The following SNX29 variants were observed in gnomAD, a reference collection of about 807,000 sequenced individuals.
The protein encoded by SNX29 is sorting nexin 29.
A neutral mutation model predicts 102.1 loss-of-function variants in SNX29; 78 were observed. The observed-to-expected ratio is 0.76, with a 90% CI of 0.64 to 0.92. The LOEUF (loss-of-function observed/expected upper bound fraction) is 0.92, where lower values mean the gene tolerates loss of function less well. Among genes scored for constraint, SNX29 ranks in the 40% least tolerant of loss-of-function variants. SNX29 has a pLI of 0.00. For missense variants in SNX29, 1,280 were observed against 1,061.7 expected, an observed-to-expected ratio of 1.21 and a Z score of -2.86; for synonymous variants, 580 against 414.5, an observed-to-expected ratio of 1.40 and a Z score of -4.85.
intron 20 of SNX29, among the ~76,000 whole-genome samples, chr16:12,538,522 T>C (rs975018523): frequency 7.9e-5 from 12 of 152,224 alleles, no homozygotes; most frequent in Admixed American, 2.6e-4. Flanking sequence ...TGATAACATA[T>C]TGCTTATGCG....
intron 14 of SNX29, among the ~76,000 whole-genome samples, chr16:12,228,888 G>T (rs1024867101): frequency 6.6e-6 from 1 of 152,198 alleles, no homozygotes; most frequent in Non-Finnish European, 1.5e-5. Flanking sequence ...CTGGTGATGC[G>T]GGGCAGGCTG....
intron 14 of SNX29, among the ~76,000 whole-genome samples, chr16:12,209,210 C>T (rs1001019522): frequency 4.6e-5 from 7 of 152,120 alleles, no homozygotes; most frequent in South Asian, 2.1e-4. Flanking sequence ...AACTCTGTGA[C>T]GGTTTGGAGC....
chr16:12,315,791 C>T (rs2080713443), intron 15 of SNX29, among the ~76,000 whole-genome samples: 1 of 152,136 alleles, frequency 6.6e-6, no homozygotes, highest in Non-Finnish European at 1.5e-5. Flanking sequence ...AACTTATTTA[C>T]AAAAATGGAT....
At chr16:12,367,534 C>T (rs1055157865) in intron 16 of SNX29, 1 of 152,222 alleles carries the variant, frequency 6.6e-6, no homozygotes, top group Non-Finnish European at 1.5e-5. Flanking sequence ...AACCCCATCC[C>T]AAGTTTTGTA....
rs186262321 is a variant in SNX29, at chr16:12,543,811, A to G, written c.2318+18970A>G. On this transcript the variant is annotated intron_variant, in intron 20 of 20. Transcript: ENST00000566228. Reference sequence around the variant, plus strand: ...GTGCTCTAGAGATTTCTCCCAGCCCATGAGACAGGGACACCTTCGTATTTG... The same window carrying G: ...GTGCTCTAGAGATTTCTCCCAGCCCGTGAGACAGGGACACCTTCGTATTTG... Among the ~76,000 whole-genome samples the G allele has an allele frequency of 7.5e-4, 114 of 152,368 alleles. 1 individual carries two copies. In the Middle Eastern group the frequency reaches 0.01, roughly 14 times the overall value.
chr16:12,101,061 C>G, intron 11 of SNX29, among the ~76,000 whole-genome samples: 1 of 152,222 alleles, frequency 6.6e-6, no homozygotes, highest in Non-Finnish European at 1.5e-5. Flanking sequence ...AAGAGTGCCT[C>G]TCCAGTCTTT....
At chr16:12,518,256 C>A (rs2089951456) in intron 19 of SNX29, among the ~76,000 whole-genome samples, 1 of 152,098 alleles carries the variant, frequency 6.6e-6, no homozygotes, top group African/African-American at 2.4e-5. Context: ...TGATGCCTCC[C>A]ACCTCCCGTT....
At chr16:12,149,520 G>T (rs954325623) in intron 13 of SNX29, among the ~76,000 whole-genome samples, 1 of 152,126 alleles carries the variant, frequency 6.6e-6, no homozygotes, top group Non-Finnish European at 1.5e-5. Flanking sequence ...TTCTGTAGTC[G>T]TCAGTAGATC....
chr16:12,112,451 C>A (rs920819138), intron 11 of SNX29, among the ~76,000 whole-genome samples: 5 of 152,172 alleles, frequency 3.3e-5, no homozygotes, highest in African/African-American at 9.6e-5. Context: ...TTAGTCCCAT[C>A]CACGTGTATT....
At chr16:12,563,049 C>G (rs1217255700) in intron 20 of SNX29, among the ~76,000 whole-genome samples, 4 of 152,088 alleles carry the variant, frequency 2.6e-5, no homozygotes, top group African/African-American at 9.7e-5. Flanking sequence ...CCAAGGTCAC[C>G]TCGAAATGTA....
At position 12,261,283 on chromosome 16, in the gene SNX29, C is replaced by T. The variant is rs1216195835; in HGVS notation, c.1679-16650C>T. Among the ~76,000 whole-genome samples the T allele has an allele frequency of 2.8e-5, 4 of 140,582 alleles. 1 individual carries two copies. Among genetic ancestry groups the T allele is most frequent in the African/African-American group, 8.3e-5 (3 of 36,210 alleles). The allele number at this position is 140,582 out of a possible 152,430, so 92.2% of individuals were successfully genotyped here. On this transcript the variant is annotated intron_variant, in intron 14 of 20. Transcript: ENST00000566228. The stretch of plus-strand genomic sequence containing the variant: ...GGGTGAAGTGAGTGTTTGCTGAGCT[C>T]GGGTCTGTGCGCGCGTCCCCGGCTG...
intron 18 of SNX29, chr16:12,443,123 C>T (rs1326029973): frequency 2.3e-6 from 1 of 433,198 alleles, no homozygotes; most frequent in East Asian, 7.1e-5. Context: ...GATGGAGCAT[C>T]TGCCTAAATC....
intron 14 of SNX29, among the ~76,000 whole-genome samples, chr16:12,200,014 C>T (rs1168131861): frequency 1.3e-5 from 2 of 152,052 alleles, no homozygotes; most frequent in Non-Finnish European, 2.9e-5. Flanking sequence ...GCCACGGGTG[C>T]AAGCAACAGA....
chr16:12,106,648 A>AT (rs57242428), intron 11 of SNX29, among the ~76,000 whole-genome samples: 70,292 of 142,222 alleles, frequency 0.49, 17,529 homozygotes, highest in East Asian at 0.7. Flanking sequence ...TCATTTTTCT[A>AT]TTTTTTTTTT....
Position 12,453,462 on chromosome 16 carries a change from A to G in SNX29, c.2038-24257A>G, listed in dbSNP as rs138003832. Among the ~76,000 whole-genome samples the G allele has an allele frequency of 3.3e-5, 5 of 152,308 alleles. No homozygotes were observed. In the East Asian group the frequency reaches 9.7e-4, roughly 29 times the overall value. On this transcript the variant is annotated intron_variant, in intron 18 of 20. Transcript: ENST00000566228. ...AACAAAATGCAGATGCCTAATGCCT[A>G]CTTTGCAGGGTTGTTGTGAAAACGA...
At chr16:12,351,436 G>T (rs2081989710) in intron 15 of SNX29, among the ~76,000 whole-genome samples, 1 of 152,182 alleles carries the variant, frequency 6.6e-6, no homozygotes, top group Non-Finnish European at 1.5e-5. Context: ...AAGAGCCTCA[G>T]TTGCTATTGA....
intron 16 of SNX29, among the ~76,000 whole-genome samples, chr16:12,378,766 T>A (rs937726757): frequency 1.3e-5 from 2 of 152,160 alleles, no homozygotes; most frequent in African/African-American, 4.8e-5. Flanking sequence ...ACCTGGTACA[T>A]TTCTGCCTGA....
In SNX29 at chr16:12,306,716, A is replaced by T. The variant is rs79799183; in HGVS notation, c.1782+28680A>T. On this transcript the variant is annotated intron_variant, in intron 15 of 20. Coordinates refer to ENST00000566228, the MANE Select transcript of SNX29 (RefSeq NM_032167.5). ...CAGCGGCATGGTCTTTGGGGATAAT[A>T]TTCAATATTGCTTCCCCAGCACTTT... Among the ~76,000 whole-genome samples, 178 of 152,340 alleles carry T rather than the reference A, an allele frequency of 1.2e-3. 1 individual carries two copies. Among genetic ancestry groups the T allele is most frequent in the African/African-American group, 4.0e-3 (166 of 41,576 alleles).
intron 18 of SNX29, among the ~76,000 whole-genome samples, chr16:12,463,468 A>C (rs2086903172): frequency 6.6e-6 from 1 of 152,196 alleles, no homozygotes; most frequent in African/African-American, 2.4e-5. Context: ...AGGCAAAGAA[A>C]GCTTGTGCAG....
Sources: gnomAD v4.1 joint callset for allele counts (sites outside exome capture counted in the v4.1 genomes callset) on GRCh38, gnomAD v4.1.1 for gene constraint, MANE v1.5 for transcripts, NCBI Gene and HGNC (gene_info 2026-07-23, HGNC 2026-07-21) for gene names.